Variants in GALNT17 observed in about 807,000 individuals in gnomAD.
GALNT17 encodes the protein polypeptide N-acetylgalactosaminyltransferase 17, also known as UDP-GalNAc:polypeptide N-acetylgalactosaminyltransferase-like 3.
GALNT17 carries 29 observed loss-of-function variants against 63.7 expected under a neutral mutation model. That is an observed-to-expected ratio of 0.46 (90% confidence interval 0.34 to 0.62). The LOEUF (loss-of-function observed/expected upper bound fraction) is 0.62. GALNT17 is among the 20% of genes least tolerant of loss of function. The pLI, the probability that GALNT17 is intolerant of heterozygous loss-of-function variation, is 0.01. For synonymous variants in GALNT17, 305 were observed against 318.3 expected (o/e 0.96, Z 0.45); for missense variants, 603 against 799.6 (o/e 0.75, Z 2.97).
intron 8 of GALNT17, among the ~76,000 whole-genome samples, chr7:71,673,912 G>T (rs1475611568): frequency 1.3e-5 from 2 of 152,312 alleles, no homozygotes; most frequent in Admixed American, 1.3e-4. Flanking sequence ...AACCACTTAG[G>T]CTAGAAGGCT....
chr7:71,399,713 T>C (rs1793207490), intron 3 of GALNT17, among the ~76,000 whole-genome samples: 1 of 152,218 alleles, frequency 6.6e-6, no homozygotes. Flanking sequence ...ATAAACTGTC[T>C]TCCAGGTATG....
chr7:71,353,921 G>C (rs569070396), intron 2 of GALNT17, among the ~76,000 whole-genome samples: 1 of 152,272 alleles, frequency 6.6e-6, no homozygotes, highest in South Asian at 2.1e-4. Context: ...GCTGGCATCT[G>C]CTGGGCCTCC....
intron 5 of GALNT17, among the ~76,000 whole-genome samples, chr7:71,427,114 C>G (rs570951641): frequency 3.5e-5 from 5 of 142,472 alleles, no homozygotes; most frequent in African/African-American, 1.3e-4. Context: ...GAGTCTTGCT[C>G]TGTCACCCAG....
chr7:71,276,226 G>C (rs1790678413), intron 1 of GALNT17, among the ~76,000 whole-genome samples: 1 of 152,274 alleles, frequency 6.6e-6, no homozygotes, highest in East Asian at 1.9e-4. Flanking sequence ...AGCAGGGCAG[G>C]TGGCTGCAGG....
chr7:71,219,847 T>C (rs1789551770), intron 1 of GALNT17, among the ~76,000 whole-genome samples: 1 of 152,216 alleles, frequency 6.6e-6, no homozygotes, highest in Non-Finnish European at 1.5e-5. Context: ...CTAATATGTT[T>C]GGTAGCTTTC....
rs910733001 is a variant in GALNT17, at chr7:71,294,542, G to A, written c.239-41008G>A. Among the ~76,000 whole-genome samples the A allele has an allele frequency of 6.2e-4, 92 of 148,944 alleles. 1 individual carries two copies. The highest frequency in any genetic ancestry group is 2.1e-3 in the African/African-American group (86 of 40,352). On this transcript the variant is annotated intron_variant, in intron 1 of 10. Coordinates refer to ENST00000333538, the MANE Select transcript of GALNT17 (RefSeq NM_022479.3). ...CAATTCTCATGCCTCAGCTTCCCAA[G>A]TAGCTGGGACTACAGGTGTGCACCA...
At chr7:71,497,098 T>C (rs1475849668) in intron 5 of GALNT17, among the ~76,000 whole-genome samples, 6 of 151,984 alleles carry the variant, frequency 3.9e-5, no homozygotes. Flanking sequence ...ATCTGAAAGT[T>C]AGGAAAATGA....
chr7:71,436,596 G>A (rs1201637194), intron 5 of GALNT17, among the ~76,000 whole-genome samples: 3 of 151,994 alleles, frequency 2.0e-5, no homozygotes, highest in East Asian at 3.9e-4. Context: ...GCGGGCGCCT[G>A]TAGTCCCAGC....
At chr7:71,609,419 A>C (rs993068944) in intron 6 of GALNT17, among the ~76,000 whole-genome samples, 1 of 152,250 alleles carries the variant, frequency 6.6e-6, no homozygotes, top group African/African-American at 2.4e-5. Flanking sequence ...AGTTCAATGC[A>C]TCAGGCGAAT....
Position 71,415,946 on chromosome 7 carries a change from A to C in GALNT17, c.647A>C (p.Lys216Thr). 1.9e-6 allele frequency: 3 copies of C among 1,613,684 alleles called. No individual in the cohort carries two copies. Among genetic ancestry groups the C allele is most frequent in the Non-Finnish European group, 2.5e-6 (3 of 1,179,814 alleles). The change falls in exon 4 of 11, where the codon AAG becomes ACG. Residue 216 changes from lysine (K) to threonine (T), a missense_variant. Coordinates refer to ENST00000333538, the MANE Select transcript of GALNT17 (RefSeq NM_022479.3). The part of the protein sequence containing the change: ...YVHKRYPGLV[K>T]VVRNQKREGL... Reference sequence around the variant, plus strand: ...CACAAACGCTACCCCGGGCTGGTGAAGGTGGTAAGAAATCAGAAGAGGGAA... The same window carrying C: ...CACAAACGCTACCCCGGGCTGGTGACGGTGGTAAGAAATCAGAAGAGGGAA...
At chr7:71,405,837 T>C (rs138597561) in intron 3 of GALNT17, among the ~76,000 whole-genome samples, 1 of 152,284 alleles carries the variant, frequency 6.6e-6, no homozygotes, top group East Asian at 1.9e-4. Flanking sequence ...CATTGAGGCA[T>C]TGATTGGCAT....
chr7:71,489,402 A>G (rs976038525), intron 5 of GALNT17, among the ~76,000 whole-genome samples: 71 of 152,356 alleles, frequency 4.7e-4, no homozygotes, highest in African/African-American at 1.7e-3. Context: ...ACACAAATTG[A>G]TAATGATCAA....
chr7:71,256,793 C>T (rs527748608), intron 1 of GALNT17, among the ~76,000 whole-genome samples: 8 of 152,270 alleles, frequency 5.3e-5, no homozygotes, highest in African/African-American at 1.7e-4. Flanking sequence ...GCCAACACTG[C>T]GTATCTCAGT....
intron 6 of GALNT17, among the ~76,000 whole-genome samples, chr7:71,604,075 T>C (rs1272635305): frequency 6.6e-6 from 1 of 152,114 alleles, no homozygotes; most frequent in East Asian, 1.9e-4. Flanking sequence ...GCTAAGTGCA[T>C]ATACCAGGTC....
intron 5 of GALNT17, among the ~76,000 whole-genome samples, chr7:71,569,527 G>A (rs1789402813): frequency 6.6e-6 from 1 of 152,102 alleles, no homozygotes; most frequent in African/African-American, 2.4e-5. Flanking sequence ...AGAGCGAATG[G>A]TATTTGATTT....
At chr7:71,502,027 A>G (rs939454864) in intron 5 of GALNT17, among the ~76,000 whole-genome samples, 9 of 152,256 alleles carry the variant, frequency 5.9e-5, no homozygotes, top group African/African-American at 2.2e-4. Flanking sequence ...CTGTTTATGG[A>G]TAATCCCTTA....
At chr7:71,204,049 A>G (rs992135970) in intron 1 of GALNT17, among the ~76,000 whole-genome samples, 3 of 142,710 alleles carry the variant, frequency 2.1e-5, no homozygotes, top group Non-Finnish European at 4.6e-5. Flanking sequence ...TATTCTGTTC[A>G]AGTGTTTAAT....
intron 1 of GALNT17, among the ~76,000 whole-genome samples, chr7:71,146,532 T>C (rs1198459065): frequency 1.3e-5 from 2 of 152,184 alleles, no homozygotes; most frequent in East Asian, 3.9e-4. Flanking sequence ...TCTGGAGATA[T>C]GGTGCCCATG....
chr7:71,280,555 A>G (rs1292946870), intron 1 of GALNT17, among the ~76,000 whole-genome samples: 1 of 152,176 alleles, frequency 6.6e-6, no homozygotes. Context: ...TGAAGCACAG[A>G]AGGGAAGACG....
Sources: gnomAD v4.1 joint callset for allele counts (sites outside exome capture counted in the v4.1 genomes callset) on GRCh38, gnomAD v4.1.1 for gene constraint, MANE v1.5 for transcripts, NCBI Gene and HGNC (gene_info 2026-07-23, HGNC 2026-07-21) for gene names.